The following BCR variants were observed in gnomAD, a reference collection of about 807,000 sequenced individuals.
The protein encoded by BCR is breakpoint cluster region protein.
BCR carries 58 observed loss-of-function variants against 138.6 expected under a neutral mutation model. The observed-to-expected ratio is 0.42, with a 90% CI of 0.34 to 0.52. BCR has a LOEUF of 0.52. Among genes scored for constraint, BCR ranks in the 20% least tolerant of loss-of-function variants. BCR has a pLI of 0.06. For synonymous variants in BCR, 786 were observed against 730.1 expected (o/e 1.08, Z -1.23); for missense variants, 1,599 against 1,727.2 (o/e 0.93, Z 1.32).
Position 23,180,894 on chromosome 22 carries a change from G to GA in BCR, c.-67_-66insA. Reference sequence around the variant, plus strand: ...CCGGCGCCCGGGGCCGGGCTGGCGAGGCGCCGCGCCGCCGCTGAGACGGGC... The same window carrying GA: ...CCGGCGCCCGGGGCCGGGCTGGCGAGAGCGCCGCGCCGCCGCTGAGACGGGC... On this transcript the variant is annotated 5_prime_UTR_variant, in exon 1 of 23. It removes the in-frame stop codon of an upstream open reading frame in the 5' UTR. Transcript: ENST00000305877. 2 of 839,516 alleles carry GA rather than the reference G, an allele frequency of 2.4e-6. No individual in the cohort carries two copies. Among genetic ancestry groups the GA allele is most frequent in the South Asian group, 1.2e-4 (2 of 17,154 alleles). 52.0% of individuals were successfully genotyped at this position (839,516 alleles called of 1,614,324 possible).
chr22:23,289,692 C>G, intron 13 of BCR, 71 bp downstream of exon 13: 2 of 1,331,908 alleles, frequency 1.5e-6, no homozygotes, highest in Non-Finnish European at 2.1e-6. Flanking sequence ...GGCTGATCCC[C>G]CCTTCCTGTT....
intron 1 of BCR, among the ~76,000 whole-genome samples, chr22:23,215,039 T>A (rs2072736123): frequency 6.6e-6 from 1 of 152,220 alleles, no homozygotes; most frequent in South Asian, 2.1e-4. Context: ...TCTATGTCTA[T>A]GAATTTGACT....
chr22:23,317,002 C>T lies in BCR; in HGVS notation c.*1480C>T, dbSNP rs529545273. ...CTGCAGGAGGAGAGGATGCAGCTGC[C>T]CAGAGGGAAGCAGGATCACATTTAA... is the stretch of plus-strand genomic sequence containing the variant. On this transcript the variant is annotated 3_prime_UTR_variant, in exon 23 of 23. Transcript: ENST00000305877. 2 of 151,700 alleles carry T rather than the reference C, an allele frequency of 1.3e-5. No individual in the cohort carries two copies. Among genetic ancestry groups the T allele is most frequent in the Non-Finnish European group, 2.5e-5 (2 of 79,220 alleles). The allele number at this position is 151,700 out of a possible 1,614,324, so 9.4% of individuals were successfully genotyped here. A position where few individuals can be genotyped will look rare whatever the true frequency, so the allele number is the denominator to read the frequency against.
intron 12 of BCR, 120 bp from the exon 13 acceptor site, chr22:23,289,397 C>T: frequency 1.3e-6 from 1 of 795,212 alleles, no homozygotes; most frequent in Non-Finnish European, 2.1e-6. Context: ...AGCCCCCAAG[C>T]CCTGGCACCA....
At position 23,313,930 on chromosome 22, in the gene BCR, C is replaced by T. The variant is rs200912460; in HGVS notation, c.3458-38C>T. 1.9e-4 allele frequency: 302 copies of T among 1,552,268 alleles called. No homozygotes were observed. The East Asian group carries it at 3.2e-3, about 17-fold the overall frequency. Reference sequence around the variant, plus strand: ...AACACCTCGGGAGAGGTCTCTGGCTCGTTGTGACCCCAAGGAGTAACCCAC... The same window carrying T: ...AACACCTCGGGAGAGGTCTCTGGCTTGTTGTGACCCCAAGGAGTAACCCAC... On this transcript the variant is annotated intron_variant, in intron 20 of 22. Coordinates refer to ENST00000305877, the MANE Select transcript of BCR (RefSeq NM_004327.4).
intron 1 of BCR, among the ~76,000 whole-genome samples, chr22:23,210,518 CAATG>C (rs1443811822): frequency 6.6e-6 from 1 of 152,062 alleles, no homozygotes; most frequent in Non-Finnish European, 1.5e-5. Flanking sequence ...AATTTACAGA[CAATG>C]AAAGTCACTC....
chr22:23,257,624 G>A (rs779891871), intron 2 of BCR, among the ~76,000 whole-genome samples: 2 of 152,256 alleles, frequency 1.3e-5, no homozygotes, highest in Non-Finnish European at 1.5e-5. Flanking sequence ...GCACACAGTA[G>A]GAGGCACCTG....
At chr22:23,205,437 A>C (rs1262312970) in intron 1 of BCR, among the ~76,000 whole-genome samples, 2 of 152,052 alleles carry the variant, frequency 1.3e-5, no homozygotes, top group Non-Finnish European at 2.9e-5. Context: ...CTTGCAGGAG[A>C]GACAGGATCC....
At chr22:23,222,310 T>G (rs2072834226) in intron 1 of BCR, among the ~76,000 whole-genome samples, 1 of 152,138 alleles carries the variant, frequency 6.6e-6, no homozygotes, top group Non-Finnish European at 1.5e-5. Flanking sequence ...GGGCCCCTTA[T>G]TAGGCACAGT....
rs746347186 is a variant in BCR, at chr22:23,181,018, C to A, written c.58C>A (p.Pro20Thr). Reference sequence around the variant, plus strand: ...GAAGGCGCAGTTCCCGGACTCAGAGCCCCCGCGCATGGAGCTGCGCTCAGT... The same window carrying A: ...GAAGGCGCAGTTCCCGGACTCAGAGACCCCGCGCATGGAGCTGCGCTCAGT... ...AWKAQFPDSE[P>T]PRMELRSVGD... Residue 20 changes from proline (P) to threonine (T), a missense_variant, in exon 1 of 23, where the codon CCC becomes ACC. This residue lies in a region of BCR where 806 missense variants were observed against 635.0 expected (regional missense o/e 1.27). Transcript: ENST00000305877. 2.7e-6 allele frequency: 4 copies of A among 1,492,316 alleles called. No individual in the cohort carries two copies. Among genetic ancestry groups the A allele is most frequent in the South Asian group, 1.3e-5 (1 of 77,500 alleles). 92.4% of individuals were successfully genotyped at this position (1,492,316 alleles called of 1,614,324 possible). A position where few individuals can be genotyped will look rare whatever the true frequency, so the allele number is the denominator to read the frequency against.
At chr22:23,275,694 C>G (rs370225679) in intron 8 of BCR, among the ~76,000 whole-genome samples, 1 of 152,232 alleles carries the variant, frequency 6.6e-6, no homozygotes, top group African/African-American at 2.4e-5. Context: ...CCACACAGAT[C>G]TAAGTGGATG....
rs979137085 is a variant in BCR, at chr22:23,263,610, C to T, written c.1752+2070C>T. 13 of 1,520,096 alleles carry T rather than the reference C, an allele frequency of 8.6e-6. No individual in the cohort carries two copies. The African/African-American group carries it at 1.2e-4, about 14-fold the overall frequency. 94.2% of individuals were successfully genotyped at this position (1,520,096 alleles called of 1,614,324 possible). ...GGGAGTCTGCTGGGCATGATGAGGA[C>T]GTTTGCCACTTTGTGCTGGCCACCT... On this transcript the variant is annotated intron_variant, in intron 4 of 22. Transcript: ENST00000305877.
chr22:23,237,048 G>A (rs575374251), intron 1 of BCR, among the ~76,000 whole-genome samples: 13 of 152,322 alleles, frequency 8.5e-5, no homozygotes, highest in African/African-American at 2.9e-4. Context: ...GAGCCTTTCC[G>A]GTTGCCACGG....
intron 2 of BCR, among the ~76,000 whole-genome samples, chr22:23,254,728 G>A (rs554352291): frequency 6.6e-6 from 1 of 152,232 alleles, no homozygotes; most frequent in East Asian, 1.9e-4. Context: ...CTTGCCATTG[G>A]TGCATGTCCC....
intron 1 of BCR, among the ~76,000 whole-genome samples, chr22:23,224,117 G>A (rs1470904183): frequency 6.6e-6 from 1 of 152,222 alleles, no homozygotes; most frequent in Non-Finnish European, 1.5e-5. Context: ...GACAGGCTCG[G>A]GCGCAGATCT....
At chr22:23,233,271 G>A (rs1353226133) in intron 1 of BCR, among the ~76,000 whole-genome samples, 1 of 152,190 alleles carries the variant, frequency 6.6e-6, no homozygotes, top group Non-Finnish European at 1.5e-5. Context: ...CCAGGCTCTG[G>A]CAGCATCTCC....
In BCR at chr22:23,270,801, C is replaced by T. The variant is rs139055931; in HGVS notation, c.1861-731C>T. On this transcript the variant is annotated intron_variant, in intron 5 of 22. Transcript: ENST00000305877. Reference sequence around the variant, plus strand: ...TTTAGGCACACAGGGATCTTTTATTCTGCACTTCTCCAGTGATGCTTTCAA... The same window carrying T: ...TTTAGGCACACAGGGATCTTTTATTTTGCACTTCTCCAGTGATGCTTTCAA... Among the ~76,000 whole-genome samples, 50 of 152,366 alleles carry T rather than the reference C, an allele frequency of 3.3e-4. No individual in the cohort carries two copies. In the East Asian group the frequency reaches 8.3e-3, roughly 25 times the overall value.
At chr22:23,205,400 A>G (rs1452501866) in intron 1 of BCR, among the ~76,000 whole-genome samples, 2 of 152,182 alleles carry the variant, frequency 1.3e-5, no homozygotes, top group African/African-American at 4.8e-5. Flanking sequence ...CCTCTCACGG[A>G]TCTGCCGGTG....
intron 2 of BCR, among the ~76,000 whole-genome samples, chr22:23,255,286 C>A (rs1330004174): frequency 6.6e-6 from 1 of 152,172 alleles, no homozygotes; most frequent in African/African-American, 2.4e-5. Context: ...CTGCTCCGTG[C>A]AGCACACACA....
Sources: gnomAD v4.1 joint callset for allele counts (sites outside exome capture counted in the v4.1 genomes callset) on GRCh38, gnomAD v4.1.1 for gene constraint, gnomAD v4.1.1 regional missense constraint, MANE v1.5 for transcripts, NCBI Gene and HGNC (gene_info 2026-07-23, HGNC 2026-07-21) for gene names.